Variants in VGLL4 observed in about 807,000 individuals in gnomAD.
VGLL4 encodes the protein vestigial like family member 4, also known as transcription cofactor vestigial-like protein 4.
Under a neutral mutation model 21.0 loss-of-function variants are expected in VGLL4, and 7 were observed. The observed-to-expected ratio is 0.33, with a 90% CI of 0.19 to 0.63. VGLL4 has a LOEUF of 0.63. Among genes scored for constraint, VGLL4 ranks in the 20% least tolerant of loss-of-function variants. The pLI is 0.78. For synonymous variants in VGLL4, 222 were observed against 173.2 expected (o/e 1.28, Z -2.21); for missense variants, 394 against 425.7 (o/e 0.93, Z 0.66).
intron 2 of VGLL4, among the ~76,000 whole-genome samples, chr3:11,667,473 C>T (rs1575512223): frequency 1.3e-5 from 2 of 152,258 alleles, no homozygotes; most frequent in Middle Eastern, 6.8e-3. Flanking sequence ...ATAGTATATG[C>T]TATGATCATT....
In VGLL4 at chr3:11,691,983, GA is replaced by G. The variant is rs36035876; in HGVS notation, c.64+10987del. ...ATGGGTAGGGAGAAGTGCACCAAAT[GA>G]AAAAAAAAAAAAAAAAAGAACTACT... On this transcript the variant is annotated intron_variant, in intron 2 of 5. Coordinates refer to the VGLL4 transcript ENST00000273038. Among the ~76,000 whole-genome samples the G allele has an allele frequency of 6.5e-3, 686 of 105,702 alleles. 6 individuals are homozygous for G. Among genetic ancestry groups the G allele is most frequent in the African/African-American group, 0.023 (548 of 24,292 alleles). The allele number at this position is 105,702 out of a possible 152,430, so 69.3% of individuals were successfully genotyped here. A position where few individuals can be genotyped will look rare whatever the true frequency, so the allele number is the denominator to read the frequency against.
chr3:11,657,341 A>G (rs1035243133), intron 2 of VGLL4, among the ~76,000 whole-genome samples: 1 of 152,194 alleles, frequency 6.6e-6, no homozygotes, highest in African/African-American at 2.4e-5. Context: ...TGGTATTTCT[A>G]GGAGGGTTGG....
chr3:11,582,164 C>CCCTTCTAAG, intron 2 of VGLL4: 1 of 1,194,578 alleles, frequency 8.4e-7, no homozygotes, highest in Non-Finnish European at 1.2e-6. Context: ...AAAGACTACT[C>CCCTTCTAAG]TACCTCTCCC....
intron 1 of VGLL4, among the ~76,000 whole-genome samples, chr3:11,640,905 G>T (rs938843350): frequency 3.3e-5 from 5 of 152,086 alleles, no homozygotes; most frequent in African/African-American, 1.2e-4. Flanking sequence ...ATCACCTGAG[G>T]TCAGGAGTTT....
chr3:11,576,939 G>A (rs2074068650), intron 2 of VGLL4, among the ~76,000 whole-genome samples: 1 of 152,248 alleles, frequency 6.6e-6, no homozygotes, highest in Admixed American at 6.5e-5. Flanking sequence ...CTGCTCAGAA[G>A]TGTCTGCAAG....
At chr3:11,713,922 G>A (rs900130381) in intron 1 of VGLL4, among the ~76,000 whole-genome samples, 8 of 152,106 alleles carry the variant, frequency 5.3e-5, no homozygotes, top group East Asian at 3.9e-4. Flanking sequence ...TGATGCTAAC[G>A]TGGCTCAGGG....
intron 1 of VGLL4, among the ~76,000 whole-genome samples, chr3:11,603,214 C>T (rs1330451731): frequency 2.0e-5 from 3 of 152,064 alleles, no homozygotes; most frequent in Non-Finnish European, 2.9e-5. Context: ...TGAATATTTA[C>T]CAGGAAAAAT....
At chr3:11,718,568 T>C (rs1414093334) in intron 1 of VGLL4, among the ~76,000 whole-genome samples, 1 of 152,154 alleles carries the variant, frequency 6.6e-6, no homozygotes, top group Admixed American at 6.5e-5. Flanking sequence ...GCTAACATGG[T>C]ATGCAAAACT....
rs1270779554 is a variant in VGLL4 at position 11,702,969 on chromosome 3, AC to A, written c.64+1del. On this transcript the variant is annotated splice_donor_variant, in intron 2 of 5. Transcript: ENST00000273038. LOFTEE classifies it high-confidence loss of function. ...CTATTTTATAATAGACTCCTCACTT[AC>A]GTTTTTCGTCATCAGCATGCACCAG... 2 of 1,611,130 alleles carry A rather than the reference AC, an allele frequency of 1.2e-6. No individual in the cohort carries two copies. The highest frequency in any genetic ancestry group is 1.7e-6 in the Non-Finnish European group (2 of 1,178,422).
intron 1 of VGLL4, among the ~76,000 whole-genome samples, chr3:11,640,457 G>C (rs140872866): frequency 6.6e-6 from 1 of 152,282 alleles, no homozygotes; most frequent in Non-Finnish European, 1.5e-5. Context: ...TAATTGCTGA[G>C]TACGGTAGTA....
At chr3:11,595,822 T>A (rs1559887637) in intron 2 of VGLL4, among the ~76,000 whole-genome samples, 2 of 19,340 alleles carry the variant, frequency 1.0e-4, no homozygotes, top group Admixed American at 5.8e-4. Flanking sequence ...AACATCACAC[T>A]CTGGGGACTG....
At chr3:11,658,947 A>C (rs536530281) in intron 2 of VGLL4, among the ~76,000 whole-genome samples, 47 of 152,292 alleles carry the variant, frequency 3.1e-4, no homozygotes, top group Admixed American at 7.8e-4. Flanking sequence ...TAGGTACCTA[A>C]CACCACACAC....
intron 1 of VGLL4, among the ~76,000 whole-genome samples, chr3:11,714,465 T>C (rs2076891530): frequency 6.6e-6 from 1 of 151,392 alleles, no homozygotes; most frequent in Admixed American, 6.6e-5. Context: ...CCAAGGCAGG[T>C]GGATCGCTTG....
chr3:11,636,242 G>GTA (rs926310743), intron 1 of VGLL4, among the ~76,000 whole-genome samples: 2 of 152,168 alleles, frequency 1.3e-5, no homozygotes, highest in African/African-American at 4.8e-5. Flanking sequence ...TATGGGTAGT[G>GTA]TAAACATCTT....
chr3:11,592,587 G>A (rs1377292589), intron 2 of VGLL4, among the ~76,000 whole-genome samples: 2 of 152,298 alleles, frequency 1.3e-5, no homozygotes, highest in East Asian at 3.9e-4. Flanking sequence ...AGAGTGCTTA[G>A]GCTGCATCGT....
chr3:11,703,583 C>G (rs1193300520), intron 1 of VGLL4, among the ~76,000 whole-genome samples: 2 of 152,196 alleles, frequency 1.3e-5, no homozygotes, highest in African/African-American at 4.8e-5. Flanking sequence ...CACCACCTAT[C>G]ATCAATTTAT....
intron 2 of VGLL4, among the ~76,000 whole-genome samples, chr3:11,699,025 A>G (rs1360745662): frequency 6.6e-6 from 1 of 152,228 alleles, no homozygotes; most frequent in African/African-American, 2.4e-5. Context: ...GTTTGTAATA[A>G]GAGGCCCAAA....
At position 11,568,430 on chromosome 3, in the gene VGLL4, C is replaced by T. The variant is rs775461998; in HGVS notation, c.273-3411G>A. On this transcript the variant is annotated intron_variant, in intron 2 of 4. Transcript: ENST00000430365. The surrounding 1 kb of genome is among the most constrained non-coding windows in gnomAD (Gnocchi z 5.9). ...TCTATGCTCCCACAGCCCCACTGTG[C>T]GCCCACCCTACGCAGGGCAGCAGGG... Among the ~76,000 whole-genome samples, 2 of 152,212 alleles carry T rather than the reference C, an allele frequency of 1.3e-5. No homozygotes were observed. The highest frequency in any genetic ancestry group is 4.8e-5 in the African/African-American group (2 of 41,458).
chr3:11,636,779 G>A (rs2075596345), intron 1 of VGLL4, among the ~76,000 whole-genome samples: 1 of 152,154 alleles, frequency 6.6e-6, no homozygotes, highest in African/African-American at 2.4e-5. Flanking sequence ...AACAGGTGAT[G>A]AAGAATGTGA....
Sources: gnomAD v4.1 joint callset for allele counts (sites outside exome capture counted in the v4.1 genomes callset) on GRCh38, gnomAD v4.1.1 for gene constraint, Gnocchi (gnomAD v3.1) non-coding constraint, MANE v1.5 for transcripts, NCBI Gene and HGNC (gene_info 2026-07-23, HGNC 2026-07-21) for gene names.